RXRA: variants seen among roughly 807,000 people sequenced by gnomAD.
The protein encoded by RXRA is retinoid X receptor alpha, also known as retinoic acid receptor RXR-alpha.
In RXRA, 5 loss-of-function variants were observed where a neutral mutation model predicts 44.5. The ratio of observed to expected loss-of-function variants is 0.11; its 90% confidence interval spans 0.06 to 0.24. The LOEUF (loss-of-function observed/expected upper bound fraction) is 0.24, where lower values mean the gene tolerates loss of function less well. Among genes scored for constraint, RXRA ranks in the 10% least tolerant of loss-of-function variants. The probability of loss-of-function intolerance (pLI) is 1.00; values close to 1 mark genes in which losing one functional copy is unlikely to be tolerated. For missense variants in RXRA, 412 were observed against 646.5 expected, an observed-to-expected ratio of 0.64 and a Z score of 3.93; for synonymous variants, 291 against 271.4, an observed-to-expected ratio of 1.07 and a Z score of -0.71.
In RXRA at chr9:134,421,792, C is replaced by T. The variant is rs767453336; in HGVS notation, c.897C>T (p.Ile299=). The change falls in exon 6 of 10, where the codon ATC becomes ATT. Residue 299 remains isoleucine, a synonymous_variant. Transcript: ENST00000481739. ...FSELPLDDQV[I]LLRAGWNELL... Reference sequence around the variant, plus strand: ...AGCTGCCCCTGGACGACCAGGTCATCCTGCTGCGGGCAGGTGAGTGGCGAG... The same window carrying T: ...AGCTGCCCCTGGACGACCAGGTCATTCTGCTGCGGGCAGGTGAGTGGCGAG... 6 of 1,612,812 alleles carry T rather than the reference C, an allele frequency of 3.7e-6. No individual in the cohort carries two copies. The Admixed American group carries it at 8.3e-5, about 22-fold the overall frequency.
chr9:134,383,504 T>C (rs1423596019), intron 1 of RXRA, among the ~76,000 whole-genome samples: 2 of 152,134 alleles, frequency 1.3e-5, no homozygotes. Flanking sequence ...CCGAGTCTCA[T>C]GAGACCGCAC....
rs1169557818 is a variant in RXRA, at chr9:134,343,715, G to C, written c.28+17056G>C. Among the ~76,000 whole-genome samples, 1 of 152,116 alleles carries C rather than the reference G, an allele frequency of 6.6e-6. No individual in the cohort carries two copies. The highest frequency in any genetic ancestry group is 2.4e-5 in the African/African-American group (1 of 41,428). On this transcript the variant is annotated intron_variant, in intron 1 of 9. Transcript: ENST00000481739. This position sits in a 1 kb window ranked among gnomAD's most constrained non-coding sequence, Gnocchi z 4.1. ...TTGGTGGACTGCCACGGGCCTGGGG[G>C]CCTCGGGACCAACCCTCCATCCGCC... is the stretch of plus-strand genomic sequence containing the variant.
At position 134,366,773 on chromosome 9, in the gene RXRA, C is replaced by T. The variant is rs1011212959; in HGVS notation, c.29-34859C>T. Among the ~76,000 whole-genome samples, 1 of 152,238 alleles carries T rather than the reference C, an allele frequency of 6.6e-6. No individual in the cohort carries two copies. The highest frequency in any genetic ancestry group is 2.4e-5 in the African/African-American group (1 of 41,458). ...ACGGAAAAGGAAGCCTGGCACCCCC[C>T]ATGTTTCACGTAGGCCACCCTAAGG... is the stretch of plus-strand genomic sequence containing the variant. On this transcript the variant is annotated intron_variant, in intron 1 of 9. Coordinates refer to ENST00000481739, the MANE Select transcript of RXRA (RefSeq NM_002957.6). This position sits in a 1 kb window ranked among gnomAD's most constrained non-coding sequence, Gnocchi z 5.9.
chr9:134,380,798 C>T (rs1830632515), intron 1 of RXRA, among the ~76,000 whole-genome samples: 1 of 152,130 alleles, frequency 6.6e-6, no homozygotes, highest in African/African-American at 2.4e-5. Context: ...AGAGGAAAGG[C>T]CTCCTCCAGA....
At chr9:134,413,375 G>C (rs1312211235) in intron 4 of RXRA, among the ~76,000 whole-genome samples, 1 of 150,712 alleles carries the variant, frequency 6.6e-6, no homozygotes, top group Non-Finnish European at 1.5e-5. Flanking sequence ...GTGTATGTCT[G>C]CATGGTTTGT....
At chr9:134,352,553 C>G (rs568602522) in intron 1 of RXRA, among the ~76,000 whole-genome samples, 3 of 152,150 alleles carry the variant, frequency 2.0e-5, no homozygotes, top group Non-Finnish European at 4.4e-5. Context: ...TGGGAACTGG[C>G]GTCTGTCCGG....
At position 134,365,576 on chromosome 9, in the gene RXRA, A is replaced by G. The variant is rs1047145702; in HGVS notation, c.29-36056A>G. On this transcript the variant is annotated intron_variant, in intron 1 of 9. Transcript: ENST00000481739. The surrounding 1 kb of genome is among the most constrained non-coding windows in gnomAD (Gnocchi z 4.0). ...ACTGGGGCCTGGGTGGTAGGGGGTG[A>G]TCTGCTTGTCCAGTGGTTTCTGTGG... 6.6e-6 allele frequency among the ~76,000 whole-genome samples: 1 copy of G among 151,924 alleles called. No individual in the cohort carries two copies. The highest frequency in any genetic ancestry group is 6.6e-5 in the Admixed American group (1 of 15,258).
chr9:134,386,699 C>T (rs77529276), intron 1 of RXRA, among the ~76,000 whole-genome samples: 5 of 151,826 alleles, frequency 3.3e-5, no homozygotes, highest in African/African-American at 9.7e-5. Flanking sequence ...CTGCCAGACC[C>T]TGCAGCCCGA....
chr9:134,365,307 G>A lies in RXRA; in HGVS notation c.29-36325G>A, dbSNP rs976358927. 2.0e-5 allele frequency among the ~76,000 whole-genome samples: 3 copies of A among 152,262 alleles called. No homozygotes were observed. The highest frequency in any genetic ancestry group is 7.2e-5 in the African/African-American group (3 of 41,470). Reference sequence around the variant, plus strand: ...CTCGAGCTGAAAGCCCTCGCCCCTCGTGGTGGGGCAGCGCGTCCCTGGGTG... The same window carrying A: ...CTCGAGCTGAAAGCCCTCGCCCCTCATGGTGGGGCAGCGCGTCCCTGGGTG... On this transcript the variant is annotated intron_variant, in intron 1 of 9. Coordinates refer to ENST00000481739, the MANE Select transcript of RXRA (RefSeq NM_002957.6). This position sits in a 1 kb window ranked among gnomAD's most constrained non-coding sequence, Gnocchi z 4.0.
chr9:134,350,088 A>G (rs1830203042), intron 1 of RXRA, among the ~76,000 whole-genome samples: 1 of 150,216 alleles, frequency 6.7e-6, no homozygotes, highest in South Asian at 2.1e-4. Context: ...GGGGGGGTGG[A>G]AGGTGGGGGT....
chr9:134,329,029 G>A (rs552479753), intron 1 of RXRA, among the ~76,000 whole-genome samples: 4 of 152,352 alleles, frequency 2.6e-5, no homozygotes, highest in South Asian at 2.1e-4. Flanking sequence ...CACGCCTGCC[G>A]GGGAGAAGGC....
intron 1 of RXRA, chr9:134,379,419 T>A (rs916008288): frequency 4.1e-6 from 4 of 987,328 alleles, no homozygotes; most frequent in South Asian, 9.4e-5. Flanking sequence ...GGGCCTCCCT[T>A]CACTTCCTGG....
At chr9:134,384,811 G>T (rs938724389) in intron 1 of RXRA, among the ~76,000 whole-genome samples, 1 of 152,224 alleles carries the variant, frequency 6.6e-6, no homozygotes, top group Non-Finnish European at 1.5e-5. Context: ...GGGTTTCCCT[G>T]TGCTCAGGCG....
chr9:134,423,429 A>G (rs929819184), intron 6 of RXRA: 10 of 985,332 alleles, frequency 1.0e-5, no homozygotes, highest in Non-Finnish European at 4.8e-6. Context: ...CAAGTGGAGA[A>G]GACACAGCCA....
chr9:134,435,467 C>G (rs908006896), intron 9 of RXRA, among the ~76,000 whole-genome samples: 8 of 151,822 alleles, frequency 5.3e-5, no homozygotes, highest in Admixed American at 5.2e-4. Context: ...CCCGTGCTCC[C>G]TCCCTCCCCG....
At chr9:134,372,964 C>T (rs891412788) in intron 1 of RXRA, among the ~76,000 whole-genome samples, 3 of 152,202 alleles carry the variant, frequency 2.0e-5, no homozygotes, top group Admixed American at 6.5e-5. Flanking sequence ...TAGGCCAGAC[C>T]CTCCTGCCTG....
intron 1 of RXRA, among the ~76,000 whole-genome samples, chr9:134,352,593 C>T (rs1588259107): frequency 6.6e-6 from 1 of 152,166 alleles, no homozygotes; most frequent in African/African-American, 2.4e-5. Flanking sequence ...GCCCCGCTTT[C>T]CTTTGGTGGG....
chr9:134,365,141 G>A lies in RXRA; in HGVS notation c.29-36491G>A, dbSNP rs1440864664. ...AGCCAATGGCTCCGGGGCCACCACA[G>A]AGGCGGCTGTTGCTGGAGGGCTGAT... On this transcript the variant is annotated intron_variant, in intron 1 of 9. Transcript: ENST00000481739. The surrounding 1 kb of genome is among the most constrained non-coding windows in gnomAD (Gnocchi z 4.0). Among the ~76,000 whole-genome samples the A allele has an allele frequency of 6.6e-6, 1 of 152,248 alleles. No homozygotes were observed. The highest frequency in any genetic ancestry group is 1.5e-5 in the Non-Finnish European group (1 of 68,046).
At chr9:134,389,405 C>T (rs1826695004) in intron 1 of RXRA, among the ~76,000 whole-genome samples, 2 of 151,976 alleles carry the variant, frequency 1.3e-5, no homozygotes, top group Admixed American at 6.6e-5. Context: ...GGTTAGGGGG[C>T]CAGGGCTTGG....
Sources: gnomAD v4.1 joint callset for allele counts (sites outside exome capture counted in the v4.1 genomes callset) on GRCh38, gnomAD v4.1.1 for gene constraint, Gnocchi (gnomAD v3.1) non-coding constraint, MANE v1.5 for transcripts, NCBI Gene and HGNC (gene_info 2026-07-23, HGNC 2026-07-21) for gene names.